MDM4: variants seen among roughly 807,000 people sequenced by gnomAD.
The protein encoded by MDM4 is protein Mdm4.
A neutral mutation model predicts 60.2 loss-of-function variants in MDM4; 2 were observed. The ratio of observed to expected loss-of-function variants is 0.03; its 90% CI spans 0.01 to 0.10. The LOEUF (loss-of-function observed/expected upper bound fraction) is 0.10. MDM4 is among the 10% of genes least tolerant of loss of function. MDM4 has a pLI of 1.00. For synonymous variants in MDM4, 202 were observed against 198.1 expected (o/e 1.02, Z -0.17); for missense variants, 447 against 577.5 (o/e 0.77, Z 2.32).
intron 10 of MDM4, 26 bp from the exon 11 acceptor site, chr1:204,549,087 T>G: frequency 7.1e-7 from 1 of 1,405,674 alleles, no homozygotes; most frequent in Non-Finnish European, 9.9e-7. Context: ...CCCCTGAGTA[T>G]TAATTGGCTT....
At chr1:204,538,990 C>T (rs935205548) in intron 7 of MDM4, among the ~76,000 whole-genome samples, 5 of 152,012 alleles carry the variant, frequency 3.3e-5, no homozygotes, top group Non-Finnish European at 7.4e-5. Flanking sequence ...CTGCCTCAGC[C>T]TCTGGAGTAG....
chr1:204,530,605 C>T, intron 3 of MDM4, 79 bp from the exon 4 acceptor site: 1 of 1,560,514 alleles, frequency 6.4e-7, no homozygotes, highest in Admixed American at 1.8e-5. Context: ...AGCAAACTAA[C>T]TTACCTTACC....
chr1:204,548,162 G>A (rs1245691041), intron 10 of MDM4, among the ~76,000 whole-genome samples: 4 of 152,192 alleles, frequency 2.6e-5, no homozygotes, highest in African/African-American at 9.7e-5. Context: ...AAAAAGTGAT[G>A]CCAATTAAAC....
chr1:204,524,905 A>T (rs1428819909), intron 1 of MDM4, among the ~76,000 whole-genome samples: 1 of 152,106 alleles, frequency 6.6e-6, no homozygotes, highest in Non-Finnish European at 1.5e-5. Context: ...CTTTTCTTTG[A>T]TGGTATATGT....
intron 4 of MDM4, 67 bp from the exon 5 acceptor site, chr1:204,532,124 G>A (rs886558519): frequency 6.4e-6 from 6 of 933,348 alleles, no homozygotes; most frequent in African/African-American, 4.9e-5. Flanking sequence ...AATATTTAAC[G>A]GCAAACCACT....
chr1:204,529,178 A>G, intron 3 of MDM4: 2 of 832,036 alleles, frequency 2.4e-6, no homozygotes, highest in Non-Finnish European at 4.1e-6. Context: ...GAGAAGCCGT[A>G]GACATTTATG....
rs1663475147 is a variant in MDM4, at chr1:204,555,426, T to A, written c.*5744T>A. 6.3e-6 allele frequency: 1 copy of A among 159,628 alleles called. No homozygotes were observed. Among genetic ancestry groups the A allele is most frequent in the Non-Finnish European group, 1.4e-5 (1 of 72,330 alleles). The allele number at this position is 159,628 out of a possible 1,614,324, so 9.9% of individuals were successfully genotyped here. A position where few individuals can be genotyped will look rare whatever the true frequency, so the allele number is the denominator to read the frequency against. On this transcript the variant is annotated 3_prime_UTR_variant, in exon 11 of 11. Transcript: ENST00000367182. ...CCTCAGCCTCCCAAAGTACTGGGAT[T>A]ACAGGCGTGAGCCACCGCGCCCGGC...
chr1:204,545,595 T>C (rs1240341271), intron 9 of MDM4, among the ~76,000 whole-genome samples: 1 of 152,240 alleles, frequency 6.6e-6, no homozygotes, highest in Non-Finnish European at 1.5e-5. Context: ...ATATTCGTTG[T>C]AGTCAAATGG....
chr1:204,525,469 T>A lies in MDM4; in HGVS notation c.-35-15T>A. On this transcript the variant is annotated splice_polypyrimidine_tract_variant and intron_variant, in intron 1 of 10. Transcript: ENST00000367182. Reference sequence around the variant, plus strand: ...TGCATTAGAATAGATGTTATAAATTTTTTTTTCTATTTAGTTTTACCAACA... The same window carrying A: ...TGCATTAGAATAGATGTTATAAATTATTTTTTCTATTTAGTTTTACCAACA... 1.3e-6 allele frequency: 2 copies of A among 1,565,830 alleles called. 1 individual carries two copies. Among genetic ancestry groups the A allele is most frequent in the Middle Eastern group, 3.4e-4 (2 of 5,868 alleles).
At chr1:204,526,467 G>GTT (rs200388119) in intron 3 of MDM4, 33 bp downstream of exon 3, 131,539 of 1,144,992 alleles carry the variant, frequency 0.11, 12 homozygotes, top group East Asian at 0.13. Context: ...CATTTTTTTT[G>GTT]TTTTTTTTTT....
chr1:204,527,190 G>A (rs920263653), intron 3 of MDM4, among the ~76,000 whole-genome samples: 61 of 151,560 alleles, frequency 4.0e-4, no homozygotes, highest in Non-Finnish European at 8.1e-4. Flanking sequence ...TTTAGTCCCA[G>A]CAGCTACATG....
chr1:204,527,864 CT>C (rs36104392), intron 3 of MDM4, among the ~76,000 whole-genome samples: 289 of 141,918 alleles, frequency 2.0e-3, no homozygotes, highest in African/African-American at 5.6e-3. Context: ...AATTATCAGG[CT>C]TTTTTTTTTT....
At chr1:204,531,979 A>G (rs571791192) in intron 4 of MDM4, among the ~76,000 whole-genome samples, 4 of 152,344 alleles carry the variant, frequency 2.6e-5, no homozygotes, top group African/African-American at 4.8e-5. Flanking sequence ...TCAGTTTTTT[A>G]ATGGGGGCAG....
intron 9 of MDM4, among the ~76,000 whole-genome samples, chr1:204,546,416 C>T (rs1662668415): frequency 6.6e-6 from 1 of 151,966 alleles, no homozygotes; most frequent in Non-Finnish European, 1.5e-5. Context: ...TTGCCTAGGC[C>T]AGTTTCAAAC....
rs1041896924 is a variant in MDM4 at position 204,556,281 on chromosome 1, C to T, written c.*6599C>T. The T allele has an allele frequency of 3.5e-5, 8 of 226,832 alleles. No individual in the cohort carries two copies. Among genetic ancestry groups the T allele is most frequent in the South Asian group, 1.8e-4 (1 of 5,468 alleles). The allele number at this position is 226,832 out of a possible 1,614,324, so 14.1% of individuals were successfully genotyped here. A position where few individuals can be genotyped will look rare whatever the true frequency, so the allele number is the denominator to read the frequency against. ...GAAATGTTTCTGTTGCAGAGTTAGG[C>T]GGTAGATGGGAAGCTGTGATGGCAG... On this transcript the variant is annotated 3_prime_UTR_variant, in exon 11 of 11. Coordinates refer to ENST00000367182, the MANE Select transcript of MDM4 (RefSeq NM_002393.5).
intron 3 of MDM4, chr1:204,529,057 C>A: frequency 6.7e-7 from 1 of 1,483,868 alleles, no homozygotes; most frequent in Non-Finnish European, 9.3e-7. Flanking sequence ...AGGTTGTAGC[C>A]CATTTGGGAC....
intron 2 of MDM4, among the ~76,000 whole-genome samples, 164 bp downstream of exon 2, chr1:204,525,760 G>A (rs1262340669): frequency 6.6e-6 from 1 of 151,916 alleles, no homozygotes; most frequent in Non-Finnish European, 1.5e-5. Flanking sequence ...AGTGAGACCT[G>A]TATCTCTACA....
At chr1:204,542,569 A>T (rs1415358718) in intron 7 of MDM4, among the ~76,000 whole-genome samples, 1 of 152,080 alleles carries the variant, frequency 6.6e-6, no homozygotes, top group African/African-American at 2.4e-5. Flanking sequence ...ATAAACGATG[A>T]TCTGTTTGTA....
At chr1:204,524,709 A>G (rs1244057523) in intron 1 of MDM4, among the ~76,000 whole-genome samples, 1 of 152,240 alleles carries the variant, frequency 6.6e-6, no homozygotes, top group African/African-American at 2.4e-5. Context: ...CCTGGGAAGC[A>G]GAGGTTACAG....
Sources: gnomAD v4.1 joint callset for allele counts (sites outside exome capture counted in the v4.1 genomes callset) on GRCh38, gnomAD v4.1.1 for gene constraint, MANE v1.5 for transcripts, NCBI Gene and HGNC (gene_info 2026-07-23, HGNC 2026-07-21) for gene names.